The following MAP4K3 variants were observed in gnomAD, a reference collection of about 807,000 sequenced individuals.
The protein encoded by MAP4K3 is MAPK/ERK kinase kinase kinase 3.
Under a neutral mutation model 143.5 loss-of-function variants are expected in MAP4K3, and 94 were observed. The ratio of observed to expected loss-of-function variants is 0.65; its 90% CI spans 0.55 to 0.78. MAP4K3 has a LOEUF of 0.78. Ranked by LOEUF, MAP4K3 falls within the 30% of genes least tolerant of loss-of-function variation. The pLI, the probability that MAP4K3 is intolerant of heterozygous loss-of-function variation, is 0.00. For missense variants in MAP4K3, 1,077 were observed against 1,068.1 expected, an observed-to-expected ratio of 1.01 and a Z score of -0.12; for synonymous variants, 416 against 347.2, an observed-to-expected ratio of 1.20 and a Z score of -2.20.
chr2:39,288,319 CA>C, intron 19 of MAP4K3, 39 bp from the exon 20 acceptor site: 1 of 1,577,758 alleles, frequency 6.3e-7, no homozygotes, highest in Non-Finnish European at 8.7e-7. Context: ...AATGAAACAT[CA>C]AATTATTTTC....
intron 26 of MAP4K3, among the ~76,000 whole-genome samples, chr2:39,270,681 A>G (rs1382888251): frequency 1.3e-5 from 2 of 152,168 alleles, no homozygotes; most frequent in African/African-American, 2.4e-5. Flanking sequence ...CTTATGCTTT[A>G]CTAAAAATGG....
intron 4 of MAP4K3, among the ~76,000 whole-genome samples, chr2:39,338,177 A>C (rs1665032037): frequency 6.6e-6 from 1 of 152,190 alleles, no homozygotes; most frequent in African/African-American, 2.4e-5. Context: ...TGAATGTCTA[A>C]AGTAGTCACT....
Position 39,249,597 on chromosome 2 carries a change from A to G in MAP4K3, c.*1021T>C, listed in dbSNP as rs1478586789. 6.6e-6 allele frequency: 1 copy of G among 152,616 alleles called. No individual in the cohort carries two copies. The highest frequency in any genetic ancestry group is 1.5e-5 in the Non-Finnish European group (1 of 68,002). The allele number at this position is 152,616 out of a possible 1,614,324, so 9.5% of individuals were successfully genotyped here. ...TATTTTGGCCATGTATTAATACTCT[A>G]AGTCAAAAGAAATATGAAAAGGATC... On this transcript the variant is annotated 3_prime_UTR_variant, in exon 34 of 34. Coordinates refer to ENST00000263881, the MANE Select transcript of MAP4K3 (RefSeq NM_003618.4).
intron 8 of MAP4K3, among the ~76,000 whole-genome samples, chr2:39,327,771 C>T (rs953267233): frequency 2.0e-5 from 3 of 151,566 alleles, no homozygotes; most frequent in African/African-American, 7.3e-5. Flanking sequence ...TGACTAGATT[C>T]CAAGTAGCTG....
chr2:39,374,174 G>C (rs940460461), intron 2 of MAP4K3, among the ~76,000 whole-genome samples: 10 of 152,120 alleles, frequency 6.6e-5, no homozygotes, highest in African/African-American at 2.4e-4. Context: ...TTGATGCCAG[G>C]AGTTTGAGGC....
intron 18 of MAP4K3, among the ~76,000 whole-genome samples, chr2:39,292,436 T>C (rs976297159): frequency 6.6e-6 from 1 of 152,184 alleles, no homozygotes; most frequent in African/African-American, 2.4e-5. Flanking sequence ...GATCCCACCA[T>C]GTGCATACAC....
At chr2:39,251,548 T>G (rs770633548) in intron 33 of MAP4K3, among the ~76,000 whole-genome samples, 1 of 152,222 alleles carries the variant, frequency 6.6e-6, no homozygotes, top group Non-Finnish European at 1.5e-5. Flanking sequence ...CAACACAAAG[T>G]TCTGTTCATT....
chr2:39,346,990 G>A (rs1167806439), intron 3 of MAP4K3, among the ~76,000 whole-genome samples: 1 of 152,012 alleles, frequency 6.6e-6, no homozygotes, highest in Non-Finnish European at 1.5e-5. Context: ...TTCTCAAAGT[G>A]TGATCTGGAG....
At chr2:39,358,146 T>C (rs1244789470) in intron 2 of MAP4K3, among the ~76,000 whole-genome samples, 1 of 152,226 alleles carries the variant, frequency 6.6e-6, no homozygotes, top group African/African-American at 2.4e-5. Flanking sequence ...CTCTGTGTAT[T>C]GTTTAAGCCA....
At chr2:39,380,114 G>A (rs1558677020) in intron 1 of MAP4K3, among the ~76,000 whole-genome samples, 3 of 151,820 alleles carry the variant, frequency 2.0e-5, no homozygotes, top group Non-Finnish European at 2.9e-5. Context: ...GTTTTTTAGG[G>A]TTAACTGAAA....
At chr2:39,289,131 C>T (rs1681922521) in intron 19 of MAP4K3, among the ~76,000 whole-genome samples, 1 of 152,186 alleles carries the variant, frequency 6.6e-6, no homozygotes. Context: ...GCCTGAGACA[C>T]TTTCTGTACA....
chr2:39,370,631 G>A (rs73923887), intron 2 of MAP4K3, among the ~76,000 whole-genome samples: 7,318 of 152,144 alleles, frequency 0.048, 295 homozygotes, highest in African/African-American at 0.11. Flanking sequence ...ACAATTTAAC[G>A]CATGTTGCTC....
intron 26 of MAP4K3, chr2:39,272,052 A>G: frequency 2.8e-6 from 1 of 356,674 alleles, no homozygotes; most frequent in Non-Finnish European, 5.0e-6. Flanking sequence ...AAACTTGCAG[A>G]AAAAGAATAA....
chr2:39,296,625 T>C (rs1682293685), intron 16 of MAP4K3, among the ~76,000 whole-genome samples: 2 of 152,222 alleles, frequency 1.3e-5, no homozygotes, highest in South Asian at 4.1e-4. Flanking sequence ...GCTGCGGTTA[T>C]TAACATCTTT....
chr2:39,255,388 T>C (rs1278220562), intron 31 of MAP4K3, among the ~76,000 whole-genome samples: 2 of 152,242 alleles, frequency 1.3e-5, no homozygotes, highest in African/African-American at 4.8e-5. Flanking sequence ...TTTTGGCATG[T>C]ATTCAGGGAG....
At chr2:39,286,299 G>A (rs1681774401) in intron 21 of MAP4K3, among the ~76,000 whole-genome samples, 1 of 152,214 alleles carries the variant, frequency 6.6e-6, no homozygotes, top group African/African-American at 2.4e-5. Context: ...GACAGAAGGT[G>A]GAGCTCAGGC....
rs1015901186 is a variant in MAP4K3 at position 39,263,514 on chromosome 2, C to T, written c.2136+1689G>A. 6.8e-4 allele frequency among the ~76,000 whole-genome samples: 103 copies of T among 151,184 alleles called. 1 individual carries two copies. The highest frequency in any genetic ancestry group is 7.7e-4 in the Non-Finnish European group (52 of 67,784). ...CAGGATGGTCTCGATCTCCTGACCT[C>T]GTGATCCGCCCGCCTCGGCCTCCCA... is the stretch of plus-strand genomic sequence containing the variant. On this transcript the variant is annotated intron_variant, in intron 28 of 33. Transcript: ENST00000263881.
intron 19 of MAP4K3, among the ~76,000 whole-genome samples, chr2:39,290,013 A>AG (rs1681966832): frequency 1.3e-5 from 2 of 149,596 alleles, no homozygotes; most frequent in Non-Finnish European, 3.0e-5. Context: ...CTTGAACCCG[A>AG]GAGGAGGAGG....
intron 4 of MAP4K3, 50 bp from the exon 5 acceptor site, chr2:39,337,631 T>C (rs1573169388): frequency 1.6e-6 from 2 of 1,230,830 alleles, no homozygotes; most frequent in African/African-American, 1.5e-5. Flanking sequence ...CGCATGTTTT[T>C]CAATATATAA....
Sources: gnomAD v4.1 joint callset for allele counts (sites outside exome capture counted in the v4.1 genomes callset) on GRCh38, gnomAD v4.1.1 for gene constraint, MANE v1.5 for transcripts, NCBI Gene and HGNC (gene_info 2026-07-23, HGNC 2026-07-21) for gene names.